Variants in CNTNAP2 observed in about 807,000 individuals in gnomAD.
CNTNAP2 encodes the protein contactin-associated protein-like 2.
CNTNAP2 carries 98 observed loss-of-function variants against 155.2 expected under a neutral mutation model. The ratio of observed to expected loss-of-function variants is 0.63; its 90% CI spans 0.54 to 0.75. The LOEUF (loss-of-function observed/expected upper bound fraction) is 0.75, where lower values mean the gene tolerates loss of function less well. Ranked by LOEUF, CNTNAP2 falls within the 30% of genes least tolerant of loss-of-function variation. The pLI is 0.00. For synonymous variants in CNTNAP2, 651 were observed against 631.2 expected, an observed-to-expected ratio of 1.03 and a Z score of -0.47; for missense variants, 1,727 against 1,688.1, an observed-to-expected ratio of 1.02 and a Z score of -0.40.
At chr7:147,175,581 G>T (rs779210583) in intron 8 of CNTNAP2, among the ~76,000 whole-genome samples, 2 of 152,116 alleles carry the variant, frequency 1.3e-5, no homozygotes, top group African/African-American at 2.4e-5. Flanking sequence ...TGTTGAAGAA[G>T]GAAGAGGGAC....
intron 1 of CNTNAP2, among the ~76,000 whole-genome samples, chr7:146,742,588 TAGCAGCAGAGAGAGAAATC>T (rs1563212752): frequency 6.6e-6 from 1 of 152,072 alleles, no homozygotes; most frequent in African/African-American, 2.4e-5. Context: ...AGCGGAAGAT[TAGCAGCAGAGAGAGAAATC>T]AGAAGGCTGT....
chr7:148,298,410 T>C (rs969663264), intron 21 of CNTNAP2, among the ~76,000 whole-genome samples: 1 of 152,170 alleles, frequency 6.6e-6, no homozygotes, highest in African/African-American at 2.4e-5. Flanking sequence ...GCATAGAAGA[T>C]GGTAATGATT....
rs755154214 is a variant in CNTNAP2 at position 148,083,445 on chromosome 7, G to A, written c.2384-34673G>A. Among the ~76,000 whole-genome samples the A allele has an allele frequency of 1.3e-4, 20 of 152,256 alleles. 1 individual carries two copies. The South Asian group carries it at 1.5e-3, about 11-fold the overall frequency. On this transcript the variant is annotated intron_variant, in intron 15 of 23. Transcript: ENST00000361727. Reference sequence around the variant, plus strand: ...GGAATGATGCACATTCCGAGGGTGGGAGTGAAGAATTAGGAGTCACAGGTA... The same window carrying A: ...GGAATGATGCACATTCCGAGGGTGGAAGTGAAGAATTAGGAGTCACAGGTA...
chr7:146,715,150 G>A (rs1026022629), intron 1 of CNTNAP2, among the ~76,000 whole-genome samples: 17 of 152,152 alleles, frequency 1.1e-4, no homozygotes, highest in African/African-American at 4.1e-4. Context: ...GGCCAACATG[G>A]TGAAACCCCG....
At chr7:147,423,653 T>C (rs1797333834) in intron 10 of CNTNAP2, among the ~76,000 whole-genome samples, 1 of 152,172 alleles carries the variant, frequency 6.6e-6, no homozygotes, top group African/African-American at 2.4e-5. Context: ...ATTCTTTCAA[T>C]GAACCTATCT....
intron 4 of CNTNAP2, among the ~76,000 whole-genome samples, chr7:147,051,700 A>C (rs1799476882): frequency 6.6e-6 from 1 of 152,082 alleles, no homozygotes; most frequent in Non-Finnish European, 1.5e-5. Context: ...AAAAATATAC[A>C]AATTATTATG....
At position 146,313,769 on chromosome 7, in the gene CNTNAP2, C is replaced by T. The variant is rs188631440; in HGVS notation, c.97+196796C>T. Among the ~76,000 whole-genome samples the T allele has an allele frequency of 7.2e-5, 11 of 152,202 alleles. No individual in the cohort carries two copies. In the East Asian group the frequency reaches 1.6e-3, roughly 21 times the overall value. ...ATCCCAGCATTGTGGGAGGCAGAGG[C>T]GGGCAGATCACCTGAGGTCAGGACT... On this transcript the variant is annotated intron_variant, in intron 1 of 23. Transcript: ENST00000361727.
intron 20 of CNTNAP2, among the ~76,000 whole-genome samples, chr7:148,237,670 C>T (rs1049214018): frequency 1.3e-5 from 2 of 152,194 alleles, no homozygotes; most frequent in East Asian, 3.9e-4. Context: ...ATATTGAATG[C>T]TGTAAAGTCA....
chr7:147,160,760 G>T (rs904148463), intron 8 of CNTNAP2, among the ~76,000 whole-genome samples: 2 of 152,046 alleles, frequency 1.3e-5, no homozygotes, highest in Non-Finnish European at 2.9e-5. Context: ...GCTAAAATAT[G>T]CAGAGGCATA....
chr7:146,970,908 G>T (rs140121069), intron 3 of CNTNAP2, among the ~76,000 whole-genome samples: 5,952 of 152,138 alleles, frequency 0.039, 137 homozygotes, highest in Middle Eastern at 0.085. Flanking sequence ...CATGTCCTTT[G>T]TAGGGACATG....
At chr7:146,129,503 G>A (rs972383217) in intron 1 of CNTNAP2, among the ~76,000 whole-genome samples, 1 of 152,134 alleles carries the variant, frequency 6.6e-6, no homozygotes, top group Admixed American at 6.5e-5. Context: ...GAGTTGTACT[G>A]TGTCAACTGC....
At chr7:146,362,127 C>T (rs1795090614) in intron 1 of CNTNAP2, among the ~76,000 whole-genome samples, 1 of 152,068 alleles carries the variant, frequency 6.6e-6, no homozygotes, top group Non-Finnish European at 1.5e-5. Flanking sequence ...GGATCTTACT[C>T]TTTGGAAATT....
chr7:147,552,511 AT>A (rs1198365956), intron 11 of CNTNAP2, among the ~76,000 whole-genome samples: 1 of 151,656 alleles, frequency 6.6e-6, no homozygotes, highest in Non-Finnish European at 1.5e-5. Context: ...TTTAACTGTG[AT>A]TTGTTTAGCT....
chr7:146,165,474 T>G (rs2116808847), intron 1 of CNTNAP2, among the ~76,000 whole-genome samples: 1 of 152,320 alleles, frequency 6.6e-6, no homozygotes, highest in Middle Eastern at 3.4e-3. Flanking sequence ...TTGTGCACAT[T>G]CTAAAACAGG....
At chr7:147,742,864 G>T (rs532639259) in intron 13 of CNTNAP2, among the ~76,000 whole-genome samples, 78 of 152,312 alleles carry the variant, frequency 5.1e-4, no homozygotes, top group African/African-American at 1.8e-3. Flanking sequence ...ATACAAGAAT[G>T]AATTTCATGG....
chr7:148,409,373 C>CTCCT lies in CNTNAP2; in HGVS notation c.3716-16_3716-15insCTTC, dbSNP rs1563077307. ...TAGTATACTTGACTCTGACACTTGA[C>CTCCT]TCTTTCTTTCTCTACAGCCAGTGCG... On this transcript the variant is annotated splice_polypyrimidine_tract_variant and intron_variant, in intron 22 of 23. Coordinates refer to ENST00000361727, the MANE Select transcript of CNTNAP2 (RefSeq NM_014141.6). The CTCCT allele has an allele frequency of 2.3e-6, 2 of 866,280 alleles. No individual in the cohort carries two copies. Among genetic ancestry groups the CTCCT allele is most frequent in the Non-Finnish European group, 3.3e-6 (2 of 611,854 alleles). The allele number at this position is 866,280 out of a possible 1,614,324, so 53.7% of individuals were successfully genotyped here.
chr7:146,507,323 C>T (rs1409279310), intron 1 of CNTNAP2, among the ~76,000 whole-genome samples: 2 of 152,300 alleles, frequency 1.3e-5, no homozygotes, highest in East Asian at 3.9e-4. Context: ...GCCATAGGCC[C>T]CAGCCAAAAC....
intron 1 of CNTNAP2, among the ~76,000 whole-genome samples, chr7:146,162,402 A>G (rs1264682861): frequency 1.3e-5 from 2 of 152,244 alleles, no homozygotes; most frequent in African/African-American, 4.8e-5. Context: ...AGACACATGA[A>G]AAAATGCTCA....
chr7:148,208,613 G>C (rs1585188436), intron 18 of CNTNAP2, among the ~76,000 whole-genome samples: 1 of 152,170 alleles, frequency 6.6e-6, no homozygotes, highest in East Asian at 1.9e-4. Context: ...GGCAGAAGTG[G>C]TCTGTTCACT....
Sources: allele counts gnomAD v4.1 joint callset (sites outside exome capture counted in the v4.1 genomes callset), GRCh38; gene constraint gnomAD v4.1.1; transcripts MANE v1.5; gene names NCBI Gene and HGNC (gene_info 2026-07-23, HGNC 2026-07-21).